The following ITPR1 variants were observed in gnomAD, a reference collection of about 807,000 sequenced individuals.
ITPR1 encodes inositol 1,4,5-trisphosphate-gated calcium channel ITPR1.
A neutral mutation model predicts 318.4 loss-of-function variants in ITPR1; 96 were observed. The ratio of observed to expected loss-of-function variants is 0.30; its 90% confidence interval spans 0.26 to 0.36. The LOEUF is 0.36. ITPR1 is among the 10% of genes least tolerant of loss of function. The probability of loss-of-function intolerance (pLI) is 1.00; values close to 1 mark genes in which losing one functional copy is unlikely to be tolerated. For synonymous variants in ITPR1, 1,312 were observed against 1,289.9 expected (o/e 1.02, Z -0.37); for missense variants, 2,440 against 3,460.2 (o/e 0.71, Z 7.40).
chr3:4,680,471 C>T, intron 24 of ITPR1, 82 bp from the exon 25 acceptor site: 1 of 1,265,180 alleles, frequency 7.9e-7, no homozygotes, highest in Non-Finnish European at 1.1e-6. Flanking sequence ...ATACCAGGCC[C>T]CGCCAGTGTG....
At chr3:4,776,215 G>A (rs1379483500) in intron 47 of ITPR1, among the ~76,000 whole-genome samples, 1 of 152,144 alleles carries the variant, frequency 6.6e-6, no homozygotes, top group East Asian at 1.9e-4. Flanking sequence ...GACTACAGGT[G>A]CATGCCATCA....
At chr3:4,822,540 A>G (rs2049797614) in intron 60 of ITPR1, among the ~76,000 whole-genome samples, 2 of 152,106 alleles carry the variant, frequency 1.3e-5, no homozygotes, top group Non-Finnish European at 2.9e-5. Context: ...AGTTCTATCC[A>G]TGTCTTTAGT....
chr3:4,693,472 A>ACC lies in ITPR1; in HGVS notation c.4030-16_4030-15dup. ...CCCTGCAAGCTTGTAATCTAAACCC[A>ACC]CCCTGTTCTTTATGTAGCTGGTCAA... On this transcript the variant is annotated splice_polypyrimidine_tract_variant and intron_variant, in intron 32 of 61. Transcript: ENST00000649015. The ACC allele has an allele frequency of 6.2e-7, 1 of 1,610,674 alleles. No individual in the cohort carries two copies. The highest frequency in any genetic ancestry group is 8.5e-7 in the Non-Finnish European group (1 of 1,177,258).
intron 4 of ITPR1, among the ~76,000 whole-genome samples, chr3:4,594,670 C>T (rs62233666): frequency 0.14 from 21,853 of 152,046 alleles, 2,563 homozygotes; most frequent in East Asian, 0.4. Flanking sequence ...ATTGAGGGAG[C>T]CTCCTTTAAA....
At chr3:4,665,906 G>T (rs1465527104) in intron 17 of ITPR1, among the ~76,000 whole-genome samples, 2 of 152,024 alleles carry the variant, frequency 1.3e-5, no homozygotes, top group African/African-American at 4.8e-5. Flanking sequence ...CTTAACTGGG[G>T]GTAATTTTGT....
chr3:4,752,379 G>A (rs1420631487), intron 44 of ITPR1, among the ~76,000 whole-genome samples: 1 of 152,118 alleles, frequency 6.6e-6, no homozygotes, highest in Non-Finnish European at 1.5e-5. Flanking sequence ...ACTGGGGCCG[G>A]GGTAGTTAAC....
intron 60 of ITPR1, among the ~76,000 whole-genome samples, chr3:4,828,292 T>G (rs1209539255): frequency 6.6e-6 from 1 of 152,166 alleles, no homozygotes; most frequent in Non-Finnish European, 1.5e-5. Flanking sequence ...CCACGAAAAT[T>G]GCTAAAATCC....
intron 54 of ITPR1, among the ~76,000 whole-genome samples, chr3:4,802,585 G>A (rs2048301639): frequency 6.6e-6 from 1 of 152,170 alleles, no homozygotes; most frequent in Non-Finnish European, 1.5e-5. Context: ...CACTTTGGGA[G>A]GCCAAGGCGG....
At chr3:4,769,219 G>A (rs2046027224) in intron 46 of ITPR1, among the ~76,000 whole-genome samples, 1 of 152,080 alleles carries the variant, frequency 6.6e-6, no homozygotes, top group Non-Finnish European at 1.5e-5. Flanking sequence ...GATCAGCAAA[G>A]TTCTGTGATG....
At chr3:4,772,875 G>T (rs1251306956) in intron 46 of ITPR1, among the ~76,000 whole-genome samples, 1 of 152,250 alleles carries the variant, frequency 6.6e-6, no homozygotes. Context: ...ATGAGAGATG[G>T]GAGAGGCTTT....
chr3:4,843,873 G>A (rs1046969229), intron 61 of ITPR1, among the ~76,000 whole-genome samples: 3 of 152,180 alleles, frequency 2.0e-5, no homozygotes, highest in Non-Finnish European at 4.4e-5. Flanking sequence ...AGTTTCAGAG[G>A]TTTCTTCAAG....
At chr3:4,565,340 C>T (rs914158558) in intron 4 of ITPR1, among the ~76,000 whole-genome samples, 1 of 152,206 alleles carries the variant, frequency 6.6e-6, no homozygotes, top group Non-Finnish European at 1.5e-5. Flanking sequence ...ACTAATAGCA[C>T]CTCCACGTAA....
At chr3:4,639,228 C>G (rs765082432) in intron 5 of ITPR1, 156 bp from the exon 6 acceptor site, 1 of 592,496 alleles carries the variant, frequency 1.7e-6, no homozygotes, top group Admixed American at 3.2e-5. Context: ...CTGTTTGAAC[C>G]CCTTGGCTCA....
intron 24 of ITPR1, among the ~76,000 whole-genome samples, chr3:4,678,950 G>C (rs969481077): frequency 2.6e-5 from 4 of 152,310 alleles, no homozygotes; most frequent in Admixed American, 6.5e-5. Flanking sequence ...CTTATTCTCT[G>C]TTGAGCCTTT....
chr3:4,567,369 AG>A (rs1012576136), intron 4 of ITPR1, among the ~76,000 whole-genome samples: 14 of 152,076 alleles, frequency 9.2e-5, no homozygotes, highest in South Asian at 2.1e-4. Flanking sequence ...TCCAGGTTGG[AG>A]GGGGGATGAT....
chr3:4,685,065 C>G lies in ITPR1; in HGVS notation c.3565-4C>G, dbSNP rs374122245. ...TCTGAGACTGATTTCTTTCATTCTACTAGATTTTGATTCGGCTTAGCAAAC... is the reference window on the plus strand; with the variant it reads ...TCTGAGACTGATTTCTTTCATTCTAGTAGATTTTGATTCGGCTTAGCAAAC... On this transcript the variant is annotated splice_region_variant and splice_polypyrimidine_tract_variant and intron_variant, in intron 29 of 61. Coordinates refer to ENST00000649015, the MANE Select transcript of ITPR1 (RefSeq NM_001378452.1). The G allele has an allele frequency of 6.2e-7, 1 of 1,607,366 alleles. No homozygotes were observed. The highest frequency in any genetic ancestry group is 2.2e-5 in the East Asian group (1 of 44,754).
chr3:4,825,716 G>A (rs1459043871), intron 60 of ITPR1: 8 of 456,564 alleles, frequency 1.8e-5, no homozygotes, highest in Non-Finnish European at 3.5e-5. Flanking sequence ...ACTACCTTCT[G>A]TTTAAAAGGG....
chr3:4,788,048 A>G lies in ITPR1; in HGVS notation c.6717A>G (p.Thr2239=), dbSNP rs13079522. 510,120 of 1,611,078 alleles carry G rather than the reference A, an allele frequency of 0.32. 82,813 individuals carry two copies. The highest frequency in any genetic ancestry group is 0.34 in the South Asian group (30,467 of 90,540). The change falls in exon 52 of 62, where the codon ACA becomes ACG. Residue 2239 remains threonine, a synonymous_variant. Coordinates refer to ENST00000649015, the MANE Select transcript of ITPR1 (RefSeq NM_001378452.1). ...CAAAACTACGAATTTACTATACTACAGAGAGAGACGAACAAGGCAGCAAAA... is the reference window on the plus strand; with the variant it reads ...CAAAACTACGAATTTACTATACTACGGAGAGAGACGAACAAGGCAGCAAAA... ...KESKLRIYYT[T]ERDEQGSKIN...
intron 60 of ITPR1, among the ~76,000 whole-genome samples, chr3:4,835,687 C>A (rs185461281): frequency 2.6e-4 from 40 of 152,282 alleles, no homozygotes; most frequent in Admixed American, 4.6e-4. Flanking sequence ...CAGTTTTCTT[C>A]CCCCTGTCTC....
Sources: gnomAD v4.1 joint callset for allele counts (sites outside exome capture counted in the v4.1 genomes callset) on GRCh38, gnomAD v4.1.1 for gene constraint, MANE v1.5 for transcripts, NCBI Gene and HGNC (gene_info 2026-07-23, HGNC 2026-07-21) for gene names.